The following DMD variants were observed in gnomAD, a reference collection of about 807,000 sequenced individuals.
The protein encoded by DMD is dystrophin, also known as mutant dystrophin.
Under a neutral mutation model 330.1 loss-of-function variants are expected in DMD, and 63 were observed. The ratio of observed to expected loss-of-function variants is 0.19; its 90% confidence interval spans 0.16 to 0.24. The LOEUF (loss-of-function observed/expected upper bound fraction) is 0.24, where lower values mean the gene tolerates loss of function less well. Among genes scored for constraint, DMD ranks in the 10% least tolerant of loss-of-function variants. The pLI is 1.00. For missense variants in DMD, 3,344 were observed against 2,684.1 expected (o/e 1.25, Z -5.43); for synonymous variants, 1,223 against 959.8 (o/e 1.27, Z -5.07).
At chrX:32,241,666 T>C (rs1418476164) in intron 43 of DMD, among the ~76,000 whole-genome samples, 1 of 112,653 alleles carries the variant, frequency 8.9e-6, no homozygotes, top group African/African-American at 3.2e-5. Flanking sequence ...TACATTTCTG[T>C]AAATATATTT....
At position 32,654,143 on chromosome X, in the gene DMD, T is replaced by C. The variant is rs189723192; in HGVS notation, c.961-8991A>G. Among the ~76,000 whole-genome samples, 468 of 111,155 alleles carry C rather than the reference T, an allele frequency of 4.2e-3. 7 individuals are homozygous for C. The highest frequency in any genetic ancestry group is 0.015 in the African/African-American group (444 of 30,440). ...TTTTCCTAATTGAATACCCTTTATT[T>C]CCTTCTTCTGCCTGATTGCCCTGGC... On this transcript the variant is annotated intron_variant, in intron 9 of 78. Transcript: ENST00000357033.
In DMD at chrX:32,173,343, A is replaced by G. The variant is rs184520799; in HGVS notation, c.6438+43573T>C. On this transcript the variant is annotated intron_variant, in intron 44 of 78. Coordinates refer to ENST00000357033, the MANE Select transcript of DMD (RefSeq NM_004006.3). ...ATTAAGAAAATAATCTTTTTCTTAT[A>G]TATTTCTGATGCTTCCTAAAAATTA... is the stretch of plus-strand genomic sequence containing the variant. Among the ~76,000 whole-genome samples, 480 of 110,535 alleles carry G rather than the reference A, an allele frequency of 4.3e-3. 2 individuals are homozygous for G. The highest frequency in any genetic ancestry group is 0.015 in the African/African-American group (468 of 30,347).
chrX:33,116,142 G>A (rs1444715546), intron 1 of DMD, among the ~76,000 whole-genome samples: 2 of 109,237 alleles, frequency 1.8e-5, no homozygotes, highest in Admixed American at 9.8e-5. Context: ...GCAGTGAGCC[G>A]AGATGGTGCC....
At chrX:33,268,591 A>G (rs1025910420) in intron 1 of DMD, among the ~76,000 whole-genome samples, 16 of 111,974 alleles carry the variant, frequency 1.4e-4, no homozygotes, top group African/African-American at 5.2e-4. Flanking sequence ...GCAAAACCAC[A>G]ATGAGATACC....
intron 44 of DMD, among the ~76,000 whole-genome samples, chrX:32,152,006 C>G (rs2096806043): frequency 8.9e-6 from 1 of 111,744 alleles, no homozygotes; most frequent in African/African-American, 3.3e-5. Flanking sequence ...ATAGCCCTGA[C>G]CTGTGAGTAT....
At chrX:31,953,264 T>C (rs1018600287) in intron 45 of DMD, among the ~76,000 whole-genome samples, 3 of 112,233 alleles carry the variant, frequency 2.7e-5, no homozygotes, top group African/African-American at 9.7e-5. Context: ...GCCAGCTGAG[T>C]TGCTATTCTG....
intron 7 of DMD, among the ~76,000 whole-genome samples, chrX:32,796,930 C>T (rs1407593553): frequency 8.9e-6 from 1 of 111,831 alleles, no homozygotes; most frequent in African/African-American, 3.2e-5. Context: ...CATTATTTTA[C>T]CCAAATATTG....
At chrX:32,905,695 G>C (rs2086672087) in intron 2 of DMD, among the ~76,000 whole-genome samples, 1 of 111,786 alleles carries the variant, frequency 8.9e-6, no homozygotes, top group Non-Finnish European at 1.9e-5. Flanking sequence ...CATATTCCTG[G>C]CACCTAGAAG....
intron 7 of DMD, among the ~76,000 whole-genome samples, chrX:32,725,284 G>A (rs538112576): frequency 5.4e-5 from 6 of 110,639 alleles, no homozygotes; most frequent in African/African-American, 2.0e-4. Context: ...CTCATATCAT[G>A]GATCATAGTC....
intron 42 of DMD, among the ~76,000 whole-genome samples, chrX:32,301,435 T>A (rs953842670): frequency 2.7e-5 from 3 of 110,247 alleles, no homozygotes; most frequent in African/African-American, 9.8e-5. Flanking sequence ...TCTTGTTTTT[T>A]TTCCATCAGG....
intron 54 of DMD, among the ~76,000 whole-genome samples, chrX:31,630,880 C>T (rs1164177889): frequency 8.9e-6 from 1 of 111,801 alleles, no homozygotes; most frequent in African/African-American, 3.2e-5. Context: ...TACTTTTTTA[C>T]ATAACAAAGT....
intron 2 of DMD, among the ~76,000 whole-genome samples, chrX:33,016,430 A>C (rs34518456): frequency 0.098 from 10,879 of 110,951 alleles, 751 homozygotes; most frequent in African/African-American, 0.23. Context: ...GATAATTTCC[A>C]GGTCTTCTCC....
chrX:31,904,220 T>A (rs116279385), intron 47 of DMD, among the ~76,000 whole-genome samples: 20,943 of 111,017 alleles, frequency 0.19, 2,485 homozygotes, highest in African/African-American at 0.44. Context: ...ATTACTACAC[T>A]TAACAGATTA....
intron 1 of DMD, among the ~76,000 whole-genome samples, chrX:33,081,610 G>A (rs2094931086): frequency 8.9e-6 from 1 of 112,105 alleles, no homozygotes; most frequent in Non-Finnish European, 1.9e-5. Context: ...TTCATTGCAA[G>A]GCAACCCAAA....
At chrX:31,433,464 T>C (rs188112300) in intron 60 of DMD, among the ~76,000 whole-genome samples, 25 of 108,374 alleles carry the variant, frequency 2.3e-4, no homozygotes, top group African/African-American at 7.7e-4. Context: ...TTCTTTCTTT[T>C]TTTTTTTTTT....
At chrX:33,258,235 G>C (rs2052890986) in intron 1 of DMD, among the ~76,000 whole-genome samples, 1 of 111,327 alleles carries the variant, frequency 9.0e-6, no homozygotes. Flanking sequence ...GTGAGTAACT[G>C]TACTGTCATC....
At position 31,831,788 on chromosome X, in the gene DMD, G is replaced by C. The variant is rs140500855; in HGVS notation, c.7200+4930C>G. ...TAATTTTGTTTTTGTATTTTTAGTA[G>C]AGATGGGGTTTCACCATGTTAGCCA... is the stretch of plus-strand genomic sequence containing the variant. On this transcript the variant is annotated intron_variant, in intron 49 of 78. Coordinates refer to ENST00000357033, the MANE Select transcript of DMD (RefSeq NM_004006.3). 6.0e-3 allele frequency among the ~76,000 whole-genome samples: 671 copies of C among 111,537 alleles called. 30 individuals carry two copies. The East Asian group carries it at 0.12, about 21-fold the overall frequency.
At chrX:32,636,432 T>G (rs1401957465) in intron 11 of DMD, among the ~76,000 whole-genome samples, 2 of 112,024 alleles carry the variant, frequency 1.8e-5, no homozygotes, top group Non-Finnish European at 3.8e-5. Context: ...AAATTAAACA[T>G]GCACTAACAT....
intron 9 of DMD, among the ~76,000 whole-genome samples, chrX:32,658,864 G>A (rs1340160908): frequency 8.9e-6 from 1 of 111,899 alleles, no homozygotes; most frequent in Non-Finnish European, 1.9e-5. Context: ...GTCAAATTCA[G>A]GTTCTGGAAT....
Sources: gnomAD v4.1 joint callset for allele counts (sites outside exome capture counted in the v4.1 genomes callset) on GRCh38, gnomAD v4.1.1 for gene constraint, MANE v1.5 for transcripts, NCBI Gene and HGNC (gene_info 2026-07-23, HGNC 2026-07-21) for gene names.